CUTC: variants seen among roughly 807,000 people sequenced by gnomAD.
CUTC encodes cutC copper transporter.
Under a neutral mutation model 36.2 loss-of-function variants are expected in CUTC, and 27 were observed. That is an observed-to-expected ratio of 0.75 (90% CI 0.55 to 1.03). The LOEUF (loss-of-function observed/expected upper bound fraction) is 1.03. CUTC is among the 50% of genes least tolerant of loss of function. CUTC has a pLI of 0.00. For missense variants in CUTC, 315 were observed against 343.5 expected (o/e 0.92, Z 0.66); for synonymous variants, 114 against 118.3 (o/e 0.96, Z 0.24).
chr10:99,732,655 T>G (rs2037227231), intron 1 of CUTC: 23 of 1,386,488 alleles, frequency 1.7e-5, no homozygotes, highest in Non-Finnish European at 2.1e-5. Flanking sequence ...ATAACGGCCC[T>G]GCGACCTTGT....
chr10:99,735,924 T>C (rs1471902818), intron 1 of CUTC, among the ~76,000 whole-genome samples: 2 of 152,222 alleles, frequency 1.3e-5, no homozygotes, highest in Non-Finnish European at 2.9e-5. Context: ...TTAAATATAT[T>C]CTGCAGGCAT....
At chr10:99,746,149 T>G (rs1194606868) in intron 5 of CUTC, among the ~76,000 whole-genome samples, 1 of 152,198 alleles carries the variant, frequency 6.6e-6, no homozygotes, top group Non-Finnish European at 1.5e-5. Context: ...ATTTAATCAT[T>G]TTCTTTAAAT....
intron 3 of CUTC, among the ~76,000 whole-genome samples, chr10:99,741,478 C>A (rs1418999123): frequency 6.6e-6 from 1 of 152,308 alleles, no homozygotes; most frequent in Admixed American, 6.5e-5. Flanking sequence ...TCTCTGCAGA[C>A]CTCCAGAGTT....
At position 99,743,457 on chromosome 10, in the gene CUTC, T is replaced by C; in HGVS notation, c.403+95T>C. On this transcript the variant is annotated intron_variant, in intron 4 of 8. Transcript: ENST00000370476. The stretch of plus-strand genomic sequence containing the variant: ...CAACATCACAAAACTGACTTTGCGG[T>C]CATAGCTACAGACACTTATACTAAC... 4 of 1,140,844 alleles carry C rather than the reference T, an allele frequency of 3.5e-6. 1 individual carries two copies. The East Asian group carries it at 9.4e-5, about 27-fold the overall frequency. The allele number at this position is 1,140,844 out of a possible 1,614,324, so 70.7% of individuals were successfully genotyped here. A position where few individuals can be genotyped will look rare whatever the true frequency, so the allele number is the denominator to read the frequency against.
Position 99,735,388 on chromosome 10 carries a change from G to A in CUTC, c.62-858G>A, listed in dbSNP as rs371823943. Among the ~76,000 whole-genome samples the A allele has an allele frequency of 2.2e-4, 33 of 152,156 alleles. No homozygotes were observed. The South Asian group carries it at 5.6e-3, about 26-fold the overall frequency. On this transcript the variant is annotated intron_variant, in intron 1 of 8. Coordinates refer to ENST00000370476, the MANE Select transcript of CUTC (RefSeq NM_015960.3). ...GAGGAGAAGGCATTGGGGAGCCAGC[G>A]GTAGGGACTGGAGAGATCTGGAAGC...
intron 5 of CUTC, 133 bp downstream of exon 5, chr10:99,744,205 C>A: frequency 1.5e-6 from 1 of 661,554 alleles, no homozygotes; most frequent in Admixed American, 3.3e-5. Flanking sequence ...GATCCTAGGA[C>A]TAAAAGTTAT....
chr10:99,733,081 GA>G (rs1165448155), intron 1 of CUTC, among the ~76,000 whole-genome samples: 3 of 152,106 alleles, frequency 2.0e-5, no homozygotes, highest in Non-Finnish European at 4.4e-5. Context: ...GGCCGAGGGG[GA>G]CAGATCATCT....
Position 99,751,600 on chromosome 10 carries a change from G to A in CUTC, c.601+1204G>A, listed in dbSNP as rs897259542. 2.6e-5 allele frequency among the ~76,000 whole-genome samples: 4 copies of A among 152,160 alleles called. No individual in the cohort carries two copies. The East Asian group carries it at 5.8e-4, about 22-fold the overall frequency. ...GGGCTGGGCCCAGTGGCTCACGCCTGTAATCCCAGCACTTTGGGAGTCTGA... is the reference window on the plus strand; with the variant it reads ...GGGCTGGGCCCAGTGGCTCACGCCTATAATCCCAGCACTTTGGGAGTCTGA... On this transcript the variant is annotated intron_variant, in intron 7 of 8. Coordinates refer to ENST00000370476, the MANE Select transcript of CUTC (RefSeq NM_015960.3).
Position 99,745,588 on chromosome 10 carries a change from G to GT in CUTC, c.439+1517dup, listed in dbSNP as rs371161415. Among the ~76,000 whole-genome samples the GT allele has an allele frequency of 3.0e-4, 46 of 152,242 alleles. 1 individual carries two copies. The highest frequency in any genetic ancestry group is 9.9e-4 in the African/African-American group (41 of 41,466). On this transcript the variant is annotated intron_variant, in intron 5 of 8. Coordinates refer to ENST00000370476, the MANE Select transcript of CUTC (RefSeq NM_015960.3). ...AGAAAGTAGGATGGGGCTGGGCACAGTGGCTTACCCCTATAATCCTACCAC... is the reference window on the plus strand; with the variant it reads ...AGAAAGTAGGATGGGGCTGGGCACAGTTGGCTTACCCCTATAATCCTACCAC...
At chr10:99,739,385 A>T (rs1246704123) in intron 2 of CUTC, among the ~76,000 whole-genome samples, 1 of 152,202 alleles carries the variant, frequency 6.6e-6, no homozygotes, top group Non-Finnish European at 1.5e-5. Flanking sequence ...ATCAACAAAG[A>T]CTCAGTATTC....
At position 99,754,635 on chromosome 10, in the gene CUTC, G is replaced by A; in HGVS notation, c.707+1G>A. The A allele has an allele frequency of 6.3e-7, 1 of 1,591,328 alleles. No individual in the cohort carries two copies. The highest frequency in any genetic ancestry group is 8.6e-7 in the Non-Finnish European group (1 of 1,161,782). On this transcript the variant is annotated splice_donor_variant, in intron 8 of 8. Transcript: ENST00000370476. LOFTEE classifies it high-confidence loss of function. ...CTAGAGACTCGGGAATGAAGTTTCG[G>A]TAAAAATGTATTCTTCGATTCAAAT... is the stretch of plus-strand genomic sequence containing the variant.
intron 5 of CUTC, among the ~76,000 whole-genome samples, chr10:99,745,686 G>A (rs1024601926): frequency 1.1e-4 from 17 of 152,110 alleles, no homozygotes; most frequent in African/African-American, 1.7e-4. Context: ...GTGAAACCCC[G>A]TCTGTACTAA....
intron 7 of CUTC, among the ~76,000 whole-genome samples, chr10:99,752,679 T>A (rs1033165574): frequency 6.6e-5 from 10 of 152,202 alleles, no homozygotes; most frequent in Non-Finnish European, 1.0e-4. Context: ...GATGCAAAGC[T>A]ACACAAGAAA....
intron 2 of CUTC, among the ~76,000 whole-genome samples, chr10:99,737,331 T>TA (rs983975105): frequency 1.6e-4 from 24 of 151,868 alleles, no homozygotes; most frequent in Non-Finnish European, 4.4e-5. Flanking sequence ...GAAGTACTGA[T>TA]ACATGCTATA....
Position 99,750,352 on chromosome 10 carries a change from T to C in CUTC, c.574-17T>C. Reference sequence around the variant, plus strand: ...AAAGATATTAAAATTCACTTGTTTTTTTTTTTCTTTTTTCAGGCAAAAGGC... The same window carrying C: ...AAAGATATTAAAATTCACTTGTTTTCTTTTTTCTTTTTTCAGGCAAAAGGC... On this transcript the variant is annotated splice_polypyrimidine_tract_variant and intron_variant, in intron 6 of 8. Coordinates refer to ENST00000370476, the MANE Select transcript of CUTC (RefSeq NM_015960.3). 1 of 1,578,828 alleles carries C rather than the reference T, an allele frequency of 6.3e-7. No homozygotes were observed. Among genetic ancestry groups the C allele is most frequent in the Non-Finnish European group, 8.6e-7 (1 of 1,167,336 alleles).
intron 2 of CUTC, among the ~76,000 whole-genome samples, chr10:99,737,732 C>A (rs1245175994): frequency 6.6e-6 from 1 of 152,154 alleles, no homozygotes; most frequent in Non-Finnish European, 1.5e-5. Flanking sequence ...GCCCATAGCC[C>A]ACATGCCATG....
chr10:99,744,200 T>A, intron 5 of CUTC, 128 bp downstream of exon 5: 1 of 688,684 alleles, frequency 1.5e-6, no homozygotes, highest in South Asian at 2.0e-5. Context: ...TTTTAGATCC[T>A]AGGACTAAAA....
intron 7 of CUTC, among the ~76,000 whole-genome samples, chr10:99,751,826 C>A (rs905217480): frequency 2.6e-5 from 4 of 152,122 alleles, no homozygotes; most frequent in African/African-American, 4.8e-5. Flanking sequence ...CCACTGCACT[C>A]CAGCCTGGGT....
At chr10:99,743,421 A>G in intron 4 of CUTC, 59 bp downstream of exon 4, 3 of 1,489,540 alleles carry the variant, frequency 2.0e-6, no homozygotes, top group Non-Finnish European at 2.8e-6. Context: ...TATGCTCACA[A>G]TATAGAAAAA....
Sources: gnomAD v4.1 joint callset for allele counts (sites outside exome capture counted in the v4.1 genomes callset) on GRCh38, gnomAD v4.1.1 for gene constraint, MANE v1.5 for transcripts, NCBI Gene and HGNC (gene_info 2026-07-23, HGNC 2026-07-21) for gene names.